LRP1B: variants seen among roughly 807,000 people sequenced by gnomAD.
LRP1B encodes the protein low-density lipoprotein receptor-related protein 1B.
Under a neutral mutation model 556.6 loss-of-function variants are expected in LRP1B, and 217 were observed. That is an observed-to-expected ratio of 0.39 (90% CI 0.35 to 0.44). The LOEUF (loss-of-function observed/expected upper bound fraction) is 0.44, where lower values mean the gene tolerates loss of function less well. Ranked by LOEUF, LRP1B falls within the 20% of genes least tolerant of loss-of-function variation. The pLI is 1.00. For missense variants in LRP1B, 5,053 were observed against 5,620.8 expected, an observed-to-expected ratio of 0.90 and a Z score of 3.23; for synonymous variants, 2,047 against 1,865.8, an observed-to-expected ratio of 1.10 and a Z score of -2.50.
At chr2:140,840,225 T>C (rs1692057823) in intron 30 of LRP1B, 140 bp from the exon 31 acceptor site, 1 of 564,304 alleles carries the variant, frequency 1.8e-6, no homozygotes, top group Non-Finnish European at 3.0e-6. Context: ...TCCAAAATTG[T>C]CCAGCCATTT....
intron 1 of LRP1B, among the ~76,000 whole-genome samples, chr2:141,863,051 A>C (rs1294447304): frequency 1.3e-5 from 2 of 152,068 alleles, no homozygotes; most frequent in Middle Eastern, 3.2e-3. Flanking sequence ...GGTAAGCTTA[A>C]TTTCTTTGTG....
chr2:140,646,683 A>G (rs1349709477), intron 41 of LRP1B, among the ~76,000 whole-genome samples: 2 of 152,204 alleles, frequency 1.3e-5, no homozygotes, highest in Non-Finnish European at 2.9e-5. Flanking sequence ...AATAAAAGCA[A>G]CTATTTCTCT....
At chr2:141,304,959 T>C (rs1176930993) in intron 3 of LRP1B, among the ~76,000 whole-genome samples, 1 of 152,226 alleles carries the variant, frequency 6.6e-6, no homozygotes, top group Non-Finnish European at 1.5e-5. Flanking sequence ...TCCATTGGTC[T>C]ATGTGTTTTC....
intron 7 of LRP1B, among the ~76,000 whole-genome samples, chr2:141,157,104 C>T (rs1039659128): frequency 1.3e-5 from 2 of 151,836 alleles, no homozygotes; most frequent in Non-Finnish European, 2.9e-5. Flanking sequence ...TTTATGTCAC[C>T]TATCATTTGC....
intron 1 of LRP1B, among the ~76,000 whole-genome samples, chr2:142,048,759 C>T (rs1477389079): frequency 6.6e-6 from 1 of 151,954 alleles, no homozygotes; most frequent in Admixed American, 6.6e-5. Context: ...TGAAAGAGAA[C>T]CTTATGGTCT....
chr2:140,263,770 T>G (rs945188895), intron 86 of LRP1B, among the ~76,000 whole-genome samples: 1 of 151,122 alleles, frequency 6.6e-6, no homozygotes, highest in Non-Finnish European at 1.5e-5. Flanking sequence ...TTAACATCCA[T>G]GTTTCTACCA....
intron 1 of LRP1B, among the ~76,000 whole-genome samples, chr2:142,109,785 CA>C (rs1706891935): frequency 6.6e-6 from 1 of 151,938 alleles, no homozygotes; most frequent in Non-Finnish European, 1.5e-5. Flanking sequence ...TTTCAAAAGA[CA>C]AAAGTAATAA....
intron 86 of LRP1B, 99 bp from the exon 87 acceptor site, chr2:140,247,261 C>A: frequency 1.3e-6 from 1 of 744,134 alleles, no homozygotes; most frequent in Non-Finnish European, 2.4e-6. Flanking sequence ...GTTACAGGAG[C>A]CAGTCATCAC....
At chr2:141,364,323 A>G (rs1046300032) in intron 3 of LRP1B, among the ~76,000 whole-genome samples, 2 of 151,418 alleles carry the variant, frequency 1.3e-5, no homozygotes, top group African/African-American at 2.4e-5. Flanking sequence ...GAATGATTAA[A>G]TCACATACAC....
At chr2:141,411,528 C>A (rs1210459647) in intron 3 of LRP1B, among the ~76,000 whole-genome samples, 1 of 152,094 alleles carries the variant, frequency 6.6e-6, no homozygotes, top group East Asian at 1.9e-4. Context: ...AGAATTTAAA[C>A]TGATATGTTT....
At chr2:140,335,317 T>C (rs934180642) in intron 78 of LRP1B, among the ~76,000 whole-genome samples, 4 of 151,902 alleles carry the variant, frequency 2.6e-5, no homozygotes, top group Admixed American at 6.6e-5. Context: ...TTTTAGATTA[T>C]AAACATCACA....
chr2:140,461,070 A>G lies in LRP1B; in HGVS notation c.9626-3419T>C, dbSNP rs377665572. On this transcript the variant is annotated intron_variant, in intron 60 of 90. Coordinates refer to ENST00000389484, the MANE Select transcript of LRP1B (RefSeq NM_018557.3). ...AGAGCAAGAGTCTGACTCAAAAAAG[A>G]AAAAAAAAAAAAAAGAAAGAAAGAA... is the stretch of plus-strand genomic sequence containing the variant. 1.0e-4 allele frequency among the ~76,000 whole-genome samples: 13 copies of G among 123,980 alleles called. No homozygotes were observed. In the South Asian group the frequency reaches 2.9e-3, roughly 28 times the overall value. 81.3% of individuals were successfully genotyped at this position (123,980 alleles called of 152,430 possible). A position where few individuals can be genotyped will look rare whatever the true frequency, so the allele number is the denominator to read the frequency against.
intron 35 of LRP1B, among the ~76,000 whole-genome samples, chr2:140,736,799 G>A (rs1047060301): frequency 3.3e-5 from 5 of 152,064 alleles, no homozygotes; most frequent in African/African-American, 1.2e-4. Context: ...CATGGGCAAG[G>A]ACTTCATGTC....
intron 35 of LRP1B, among the ~76,000 whole-genome samples, chr2:140,718,327 C>G (rs1363206202): frequency 6.6e-6 from 1 of 152,040 alleles, no homozygotes; most frequent in Admixed American, 6.6e-5. Context: ...ACATGCACCA[C>G]TTCTAATCAA....
At chr2:141,296,760 T>C (rs1364841629) in intron 3 of LRP1B, among the ~76,000 whole-genome samples, 1 of 152,188 alleles carries the variant, frequency 6.6e-6, no homozygotes, top group Non-Finnish European at 1.5e-5. Context: ...GTGCAGGTTT[T>C]TTACATGGGT....
intron 3 of LRP1B, among the ~76,000 whole-genome samples, chr2:141,438,338 T>TTCAC (rs144766824): frequency 6.6e-6 from 1 of 152,074 alleles, no homozygotes; most frequent in African/African-American, 2.4e-5. Context: ...CATTCATTCA[T>TTCAC]TCACTCACTC....
chr2:140,300,516 G>A (rs957039235), intron 83 of LRP1B, among the ~76,000 whole-genome samples: 1 of 152,124 alleles, frequency 6.6e-6, no homozygotes, highest in Non-Finnish European at 1.5e-5. Context: ...AGGGAGCTGG[G>A]GAGTTGACAG....
chr2:140,708,208 G>A (rs1186089435), intron 37 of LRP1B, among the ~76,000 whole-genome samples: 3 of 151,924 alleles, frequency 2.0e-5, no homozygotes, highest in Admixed American at 1.3e-4. Flanking sequence ...TAATGTTGAA[G>A]GGTTGTGGTG....
At chr2:140,341,418 C>A (rs532792450) in intron 77 of LRP1B, among the ~76,000 whole-genome samples, 2 of 151,458 alleles carry the variant, frequency 1.3e-5, no homozygotes, top group African/African-American at 4.8e-5. Context: ...TGAGCATGTC[C>A]CTTCAAATGA....
Sources: allele counts gnomAD v4.1 joint callset (sites outside exome capture counted in the v4.1 genomes callset), GRCh38; gene constraint gnomAD v4.1.1; transcripts MANE v1.5; gene names NCBI Gene and HGNC (gene_info 2026-07-23, HGNC 2026-07-21).